Variants in CPLANE1 observed in about 807,000 individuals in gnomAD.
CPLANE1 encodes the protein ciliogenesis and planar polarity effector 1.
CPLANE1 carries 263 observed loss-of-function variants against 362.5 expected under a neutral mutation model. The observed-to-expected ratio is 0.73, with a 90% CI of 0.66 to 0.80. CPLANE1 has a LOEUF of 0.80. CPLANE1 is among the 30% of genes least tolerant of loss of function. The pLI is 0.00. For missense variants in CPLANE1, 3,461 were observed against 3,793.4 expected (o/e 0.91, Z 2.30); for synonymous variants, 1,212 against 1,302.6 (o/e 0.93, Z 1.50).
At chr5:37,214,110 T>C (rs1003521277) in intron 15 of CPLANE1, among the ~76,000 whole-genome samples, 1 of 152,132 alleles carries the variant, frequency 6.6e-6, no homozygotes, top group Non-Finnish European at 1.5e-5. Context: ...AAAAAATATA[T>C]GTAAATAATT....
intron 15 of CPLANE1, among the ~76,000 whole-genome samples, chr5:37,220,795 A>C (rs1349763231): frequency 6.6e-6 from 1 of 152,232 alleles, no homozygotes; most frequent in Non-Finnish European, 1.5e-5. Context: ...CTGGGATTAC[A>C]GGCGTGAGCC....
At chr5:37,194,312 A>T (rs1786568535) in intron 21 of CPLANE1, among the ~76,000 whole-genome samples, 1 of 152,242 alleles carries the variant, frequency 6.6e-6, no homozygotes, top group South Asian at 2.1e-4. Context: ...AGAACTCATG[A>T]TCAAAATGAA....
chr5:37,247,837 GC>G, intron 1 of CPLANE1, 92 bp from the exon 2 acceptor site: 1 of 931,948 alleles, frequency 1.1e-6, no homozygotes, highest in Non-Finnish European at 1.5e-6. Context: ...TCGTTCTGTT[GC>G]CCCAGCTGGA....
chr5:37,134,230 T>C (rs573870552), intron 46 of CPLANE1, among the ~76,000 whole-genome samples: 25 of 152,166 alleles, frequency 1.6e-4, no homozygotes, highest in Non-Finnish European at 3.5e-4. Flanking sequence ...GTTCTTCTTT[T>C]ATGTCTGGCA....
At chr5:37,236,125 T>C (rs1798936960) in intron 8 of CPLANE1, among the ~76,000 whole-genome samples, 1 of 152,182 alleles carries the variant, frequency 6.6e-6, no homozygotes, top group South Asian at 2.1e-4. Flanking sequence ...TCCACCCACC[T>C]TGGCCTCCCA....
chr5:37,098,579 C>G, the CPLANE1 span, among the ~76,000 whole-genome samples: 1 of 151,880 alleles, frequency 6.6e-6, no homozygotes, highest in South Asian at 2.1e-4. Context: ...CATCAGCACA[C>G]AGAATATTAT....
chr5:37,078,975 CAA>C, the CPLANE1 span, among the ~76,000 whole-genome samples: 1 of 152,098 alleles, frequency 6.6e-6, no homozygotes, highest in African/African-American at 2.4e-5. Context: ...GGACAGATTG[CAA>C]AAATGTTCTC....
At chr5:37,222,341 T>C (rs1795538832) in intron 14 of CPLANE1, among the ~76,000 whole-genome samples, 1 of 152,186 alleles carries the variant, frequency 6.6e-6, no homozygotes, top group African/African-American at 2.4e-5. Context: ...ATTTGCTGCC[T>C]AGAGCATGGA....
chr5:37,078,635 C>T, the CPLANE1 span, among the ~76,000 whole-genome samples: 1 of 151,918 alleles, frequency 6.6e-6, no homozygotes, highest in Non-Finnish European at 1.5e-5. Context: ...CACTGTCTTC[C>T]ACAATGGTTA....
chr5:37,080,501 T>C, the CPLANE1 span, among the ~76,000 whole-genome samples: 1 of 152,182 alleles, frequency 6.6e-6, no homozygotes, highest in African/African-American at 2.4e-5. Flanking sequence ...TACACTGAAA[T>C]TGGGTATTAA....
chr5:37,202,854 T>C (rs1466990359), intron 18 of CPLANE1, among the ~76,000 whole-genome samples: 1 of 151,968 alleles, frequency 6.6e-6, no homozygotes, highest in East Asian at 1.9e-4. Flanking sequence ...TTCTGTTGTG[T>C]GTTCTACAAA....
chr5:37,129,190 T>C (rs1436857136), intron 46 of CPLANE1, among the ~76,000 whole-genome samples: 2 of 152,014 alleles, frequency 1.3e-5, no homozygotes, highest in Non-Finnish European at 2.9e-5. Flanking sequence ...GCTGGGATAA[T>C]TGGCAAGCCA....
At chr5:37,129,044 G>T (rs1765040306) in intron 46 of CPLANE1, among the ~76,000 whole-genome samples, 1 of 152,030 alleles carries the variant, frequency 6.6e-6, no homozygotes, top group Admixed American at 6.6e-5. Flanking sequence ...GCATGGTACT[G>T]GTATAAAAAT....
At position 37,226,979 on chromosome 5, in the gene CPLANE1, A is replaced by G; in HGVS notation, c.1616T>C (p.Met539Thr). The G allele has an allele frequency of 2.6e-6, 4 of 1,551,800 alleles. No individual in the cohort carries two copies. The highest frequency in any genetic ancestry group is 3.5e-6 in the Non-Finnish European group (4 of 1,146,958). ...NKRDDVLCSS[M>T]KEGRLEFASM... Reference sequence around the variant, plus strand: ...TGCAAATTCCAATCTTCCTTCCTTCATACTACTACACAGCACATCATCTCT... The same window carrying G: ...TGCAAATTCCAATCTTCCTTCCTTCGTACTACTACACAGCACATCATCTCT... Residue 539 changes from methionine (M) to threonine (T), a missense_variant, in exon 12 of 53, where the codon ATG (methionine) becomes ACG (threonine). Met to Thr is a moderately conservative substitution (Grantham distance 81, BLOSUM62 -1). This residue lies in a region of CPLANE1 where 3,380 missense variants were observed against 3,666.1 expected (regional missense o/e 0.92). Transcript: ENST00000651892.
chr5:37,237,757 G>A (rs1052465467), intron 8 of CPLANE1, among the ~76,000 whole-genome samples: 3 of 152,230 alleles, frequency 2.0e-5, no homozygotes, highest in African/African-American at 7.2e-5. Context: ...GGCTGAGGCA[G>A]GAGAATGGCG....
chr5:37,140,480 CG>C, intron 44 of CPLANE1: 4 of 984,032 alleles, frequency 4.1e-6, no homozygotes, highest in Non-Finnish European at 4.8e-6. Context: ...CTAAGATTAG[CG>C]TAATAGTAAT....
chr5:37,187,874 C>A, intron 21 of CPLANE1, 32 bp from the exon 22 acceptor site: 1 of 1,490,790 alleles, frequency 6.7e-7, no homozygotes, highest in South Asian at 1.2e-5. Context: ...GAAAGAAAAT[C>A]ACATGAGTAT....
At chr5:37,159,143 C>T (rs985945894) in intron 38 of CPLANE1, among the ~76,000 whole-genome samples, 5 of 115,092 alleles carry the variant, frequency 4.3e-5, no homozygotes, top group African/African-American at 1.7e-4. Flanking sequence ...CTCGCTCTGT[C>T]GCCCAGGCCG....
At chr5:37,215,993 G>A (rs1793981487) in intron 15 of CPLANE1, among the ~76,000 whole-genome samples, 2 of 151,634 alleles carry the variant, frequency 1.3e-5, no homozygotes, top group Non-Finnish European at 2.9e-5. Context: ...CACCTTGACC[G>A]GCTAATTTTT....
Sources: gnomAD v4.1 joint callset for allele counts (sites outside exome capture counted in the v4.1 genomes callset) on GRCh38, gnomAD v4.1.1 for gene constraint, gnomAD v4.1.1 regional missense constraint, MANE v1.5 for transcripts, NCBI Gene and HGNC (gene_info 2026-07-23, HGNC 2026-07-21) for gene names.